The following PTGER3 variants were observed in gnomAD, a reference collection of about 807,000 sequenced individuals.
PTGER3 encodes prostaglandin E2 receptor EP3 subtype.
A neutral mutation model predicts 34.7 loss-of-function variants in PTGER3; 22 were observed. The observed-to-expected ratio is 0.63, with a 90% CI of 0.45 to 0.91. The LOEUF (loss-of-function observed/expected upper bound fraction) is 0.91. PTGER3 is among the 40% of genes least tolerant of loss of function. The pLI, the probability that PTGER3 is intolerant of heterozygous loss-of-function variation, is 0.00. For missense variants in PTGER3, 468 were observed against 519.4 expected (o/e 0.90, Z 0.96); for synonymous variants, 241 against 230.1 (o/e 1.05, Z -0.43).
intron 1 of PTGER3, among the ~76,000 whole-genome samples, 189 bp downstream of exon 1, chr1:71,046,492 G>A (rs1660827907): frequency 6.6e-6 from 1 of 152,164 alleles, no homozygotes; most frequent in Non-Finnish European, 1.5e-5. Flanking sequence ...GCTCTTGGAA[G>A]GCGCTCAGCT....
At chr1:71,043,392 G>C (rs1048132386) in intron 1 of PTGER3, among the ~76,000 whole-genome samples, 1 of 152,160 alleles carries the variant, frequency 6.6e-6, no homozygotes, top group Admixed American at 6.5e-5. Context: ...TTTGTTTAAG[G>C]ATACATAAAC....
intron 2 of PTGER3, among the ~76,000 whole-genome samples, chr1:70,989,896 C>A (rs55919390): frequency 0.057 from 8,684 of 152,112 alleles, 450 homozygotes; most frequent in African/African-American, 0.13. Flanking sequence ...TACACACACA[C>A]ACGCACACAC....
At chr1:71,020,196 T>G (rs2100895474) in intron 1 of PTGER3, among the ~76,000 whole-genome samples, 1 of 152,258 alleles carries the variant, frequency 6.6e-6, no homozygotes, top group Middle Eastern at 3.4e-3. Flanking sequence ...GATCCTAGAC[T>G]ACTGTTTCAA....
In PTGER3 at chr1:70,880,676, C is replaced by G. The variant is rs910540020; in HGVS notation, c.*24-27817G>C. Among the ~76,000 whole-genome samples the G allele has an allele frequency of 2.9e-5, 4 of 136,338 alleles. No individual in the cohort carries two copies. The South Asian group carries it at 9.4e-4, about 32-fold the overall frequency. The allele number at this position is 136,338 out of a possible 152,430, so 89.4% of individuals were successfully genotyped here. On this transcript the variant is annotated intron_variant, in intron 4 of 4. Coordinates refer to the PTGER3 transcript ENST00000370931. Reference sequence around the variant, plus strand: ...CTTCACTCCAGCCTGAGTGAAAGAGCAAGACTCTGTCAAAAAAAAAAGAAA... The same window carrying G: ...CTTCACTCCAGCCTGAGTGAAAGAGGAAGACTCTGTCAAAAAAAAAAGAAA...
intron 4 of PTGER3, among the ~76,000 whole-genome samples, chr1:70,861,596 T>A (rs2100481261): frequency 6.6e-6 from 1 of 152,002 alleles, no homozygotes; most frequent in East Asian, 1.9e-4. Context: ...TGTGTGTCAA[T>A]CAAACATAAA....
In PTGER3 at chr1:71,001,247, CCTT is replaced by C. The variant is rs554204284; in HGVS notation, c.1077+11055_1077+11057del. On this transcript the variant is annotated intron_variant, in intron 2 of 3. Transcript: ENST00000306666. ...AGGTATAACAGATATCTCTCTTGCT[CCTT>C]CACACACACACAAATAAGCACAAGT... Among the ~76,000 whole-genome samples the C allele has an allele frequency of 2.5e-4, 38 of 151,954 alleles. 2 individuals carry two copies. In the South Asian group the frequency reaches 7.5e-3, roughly 30 times the overall value.
intron 4 of PTGER3, among the ~76,000 whole-genome samples, chr1:70,936,582 T>G (rs1201207532): frequency 6.6e-6 from 1 of 152,140 alleles, no homozygotes; most frequent in Admixed American, 6.5e-5. Flanking sequence ...ACATTTTAAA[T>G]TGCAATGGCC....
Position 71,020,279 on chromosome 1 carries a change from A to G in PTGER3, c.898-7795T>C, listed in dbSNP as rs1006635199. 1.4e-4 allele frequency among the ~76,000 whole-genome samples: 21 copies of G among 152,132 alleles called. 1 individual carries two copies. Among genetic ancestry groups the G allele is most frequent in the South Asian group, 4.1e-4 (2 of 4,832 alleles). On this transcript the variant is annotated intron_variant, in intron 1 of 3. Coordinates refer to ENST00000306666, the MANE Select transcript of PTGER3 (RefSeq NM_198719.2). ...TCATAAACATTAAAAAAATTAGTAG[A>G]ATTTGTGCCATTTCGTCATTACTAC...
intron 4 of PTGER3, among the ~76,000 whole-genome samples, chr1:70,902,681 A>G (rs10889897): frequency 0.25 from 37,745 of 152,176 alleles, 5,169 homozygotes; most frequent in Middle Eastern, 0.33. Context: ...GGAATTGCAC[A>G]GGGTAGGAAA....
chr1:70,987,756 C>A (rs909310666), intron 2 of PTGER3, among the ~76,000 whole-genome samples: 2 of 152,080 alleles, frequency 1.3e-5, no homozygotes, highest in African/African-American at 4.8e-5. Context: ...TGTGACACTG[C>A]CATAAGAATA....
chr1:71,003,047 T>C (rs1302657398), intron 2 of PTGER3, among the ~76,000 whole-genome samples: 1 of 152,210 alleles, frequency 6.6e-6, no homozygotes, highest in Non-Finnish European at 1.5e-5. Flanking sequence ...TCTTCTTTAA[T>C]AAGGAAAGAC....
At chr1:70,985,625 AG>A (rs1457667400) in intron 2 of PTGER3, among the ~76,000 whole-genome samples, 1 of 152,152 alleles carries the variant, frequency 6.6e-6, no homozygotes, top group Non-Finnish European at 1.5e-5. Context: ...TGATCAATTA[AG>A]CAGCTGACCA....
At chr1:70,923,271 A>T (rs553813400) in intron 4 of PTGER3, among the ~76,000 whole-genome samples, 1 of 151,998 alleles carries the variant, frequency 6.6e-6, no homozygotes, top group East Asian at 1.9e-4. Context: ...AATTATGGGA[A>T]ACTCCTCTAA....
At chr1:70,902,222 A>T (rs184793101) in intron 4 of PTGER3, among the ~76,000 whole-genome samples, 510 of 152,340 alleles carry the variant, frequency 3.3e-3, no homozygotes, top group African/African-American at 0.012. Flanking sequence ...TTATCAGTAG[A>T]ATTTACACCA....
rs191382175 is a variant in PTGER3 at position 70,904,126 on chromosome 1, T to G, written c.*23+49637A>C. Among the ~76,000 whole-genome samples the G allele has an allele frequency of 9.6e-4, 146 of 152,292 alleles. 1 individual carries two copies. Among genetic ancestry groups the G allele is most frequent in the Middle Eastern group, 3.4e-3 (1 of 294 alleles). On this transcript the variant is annotated intron_variant, in intron 4 of 4. Transcript: ENST00000370931. ...GGAGTTTCCCTGAACACATGCTCTC[T>G]TTGCCTGCCCGCCATCAATGTAAGA... is the stretch of plus-strand genomic sequence containing the variant.
chr1:70,975,462 T>G (rs1471117783), intron 2 of PTGER3, among the ~76,000 whole-genome samples: 1 of 152,132 alleles, frequency 6.6e-6, no homozygotes, highest in South Asian at 2.1e-4. Flanking sequence ...GAGAAAGAAA[T>G]AAAATCCAGT....
chr1:70,857,420 T>G (rs1488253145), intron 4 of PTGER3, among the ~76,000 whole-genome samples: 1 of 152,160 alleles, frequency 6.6e-6, no homozygotes, highest in Non-Finnish European at 1.5e-5. Flanking sequence ...TTTTTTCCCC[T>G]GATAGTTCAG....
At chr1:71,006,472 T>A (rs1656977249) in intron 2 of PTGER3, 2 of 985,314 alleles carry the variant, frequency 2.0e-6, no homozygotes, top group African/African-American at 3.5e-5. Context: ...AGGGTTGTAC[T>A]ATGAGCAAGG....
chr1:70,863,411 A>T (rs979550766), intron 4 of PTGER3, among the ~76,000 whole-genome samples: 2 of 152,194 alleles, frequency 1.3e-5, no homozygotes, highest in African/African-American at 4.8e-5. Flanking sequence ...CTGTCTTCAG[A>T]GAATACAGAT....
Sources: gnomAD v4.1 joint callset for allele counts (sites outside exome capture counted in the v4.1 genomes callset) on GRCh38, gnomAD v4.1.1 for gene constraint, MANE v1.5 for transcripts, NCBI Gene and HGNC (gene_info 2026-07-23, HGNC 2026-07-21) for gene names.